The following CLIP1 variants were observed in gnomAD, a reference collection of about 807,000 sequenced individuals.
CLIP1 encodes the protein CAP-Gly domain containing linker protein 1.
Under a neutral mutation model 161.6 loss-of-function variants are expected in CLIP1, and 66 were observed. The observed-to-expected ratio is 0.41, with a 90% CI of 0.33 to 0.50. The LOEUF is 0.50. Ranked by LOEUF, CLIP1 falls within the 20% of genes least tolerant of loss-of-function variation. CLIP1 has a pLI of 0.27. For synonymous variants in CLIP1, 598 were observed against 626.2 expected, an observed-to-expected ratio of 0.96 and a Z score of 0.67; for missense variants, 1,376 against 1,702.0, an observed-to-expected ratio of 0.81 and a Z score of 3.37.
chr12:122,298,910 G>A lies in CLIP1; in HGVS notation c.3595-10369C>T, dbSNP rs1264304144. 3.3e-5 allele frequency among the ~76,000 whole-genome samples: 5 copies of A among 151,474 alleles called. No individual in the cohort carries two copies. In the East Asian group the frequency reaches 7.9e-4, roughly 24 times the overall value. ...ACGGAGGTTGCAATGGGCTGAGATC[G>A]CGCCACTGCACTCCAGCCTGGCAAC... On this transcript the variant is annotated intron_variant, in intron 20 of 25. Transcript: ENST00000620786.
At chr12:122,321,138 G>T (rs1951484893) in intron 17 of CLIP1, among the ~76,000 whole-genome samples, 1 of 151,762 alleles carries the variant, frequency 6.6e-6, no homozygotes, top group Admixed American at 6.6e-5. Context: ...CCAATTATCA[G>T]CCATGAAGAT....
At chr12:122,350,711 C>T (rs916932589) in intron 9 of CLIP1, among the ~76,000 whole-genome samples, 1 of 150,270 alleles carries the variant, frequency 6.7e-6, no homozygotes, top group African/African-American at 2.5e-5. Flanking sequence ...TGGAAACTTC[C>T]CCAGAATTCC....
chr12:122,278,340 A>G (rs1955516364), intron 23 of CLIP1, 137 bp from the exon 24 acceptor site: 3 of 786,306 alleles, frequency 3.8e-6, no homozygotes, highest in Non-Finnish European at 6.3e-6. Context: ...CACCACTTTC[A>G]GCACATGTGG....
At chr12:122,352,333 A>G (rs1170190457) in intron 8 of CLIP1, among the ~76,000 whole-genome samples, 1 of 152,154 alleles carries the variant, frequency 6.6e-6, no homozygotes, top group Admixed American at 6.5e-5. Flanking sequence ...CTGGGATTAC[A>G]GGCGTGAACC....
intron 1 of CLIP1, among the ~76,000 whole-genome samples, chr12:122,391,314 A>G (rs915688462): frequency 6.6e-6 from 1 of 151,810 alleles, no homozygotes; most frequent in Non-Finnish European, 1.5e-5. Context: ...GGCCAGGTGC[A>G]GTGGCTCACG....
chr12:122,331,004 C>CTT (rs1262224954), intron 15 of CLIP1, among the ~76,000 whole-genome samples: 27 of 151,824 alleles, frequency 1.8e-4, no homozygotes, highest in African/African-American at 6.5e-4. Context: ...CCCTCCCTTC[C>CTT]TTTTTATTAT....
chr12:122,289,463 C>T (rs1007083323), intron 20 of CLIP1, among the ~76,000 whole-genome samples: 8 of 151,906 alleles, frequency 5.3e-5, no homozygotes, highest in Non-Finnish European at 1.2e-4. Context: ...CCACTGCTAA[C>T]ATTCTAGTTC....
intron 8 of CLIP1, 83 bp downstream of exon 8, chr12:122,352,643 C>T: frequency 7.9e-7 from 1 of 1,264,468 alleles, no homozygotes; most frequent in East Asian, 2.3e-5. Flanking sequence ...GTTCTGGCCG[C>T]TCATTTCAAT....
intron 1 of CLIP1, among the ~76,000 whole-genome samples, chr12:122,419,769 C>T (rs969284625): frequency 7.9e-5 from 12 of 151,560 alleles, no homozygotes; most frequent in African/African-American, 2.7e-4. Flanking sequence ...AACCCTGTCT[C>T]TACTAAAAAT....
At chr12:122,325,085 C>T (rs1366156972) in intron 17 of CLIP1, among the ~76,000 whole-genome samples, 1 of 145,338 alleles carries the variant, frequency 6.9e-6, no homozygotes, top group East Asian at 2.0e-4. Context: ...GACTGAGTCT[C>T]GCTCTATCTA....
rs1955203936 is a variant in CLIP1, at chr12:122,272,088, CA to C, written c.*786del. 6.6e-6 allele frequency: 1 copy of C among 152,190 alleles called. No individual in the cohort carries two copies. Among genetic ancestry groups the C allele is most frequent in the Admixed American group, 6.6e-5 (1 of 15,256 alleles). The allele number at this position is 152,190 out of a possible 1,614,324, so 9.4% of individuals were successfully genotyped here. On this transcript the variant is annotated 3_prime_UTR_variant, in exon 26 of 26. Transcript: ENST00000620786. ...TGATCATTTTAAGTGTTTTCTTTTT[CA>C]AAAAGGTAAATGTCCAAAAAGAAAG...
At chr12:122,358,822 A>C (rs1445653778) in intron 5 of CLIP1, among the ~76,000 whole-genome samples, 1 of 151,766 alleles carries the variant, frequency 6.6e-6, no homozygotes, top group Non-Finnish European at 1.5e-5. Context: ...GCACTTTGGG[A>C]AGCAGAGGCG....
intron 1 of CLIP1, among the ~76,000 whole-genome samples, chr12:122,401,624 C>T (rs921386859): frequency 4.0e-5 from 6 of 150,566 alleles, no homozygotes; most frequent in Admixed American, 2.0e-4. Flanking sequence ...GCAGAGATGG[C>T]GCCATTGTAC....
chr12:122,344,785 T>TAA (rs1952665626), intron 10 of CLIP1, among the ~76,000 whole-genome samples: 1 of 152,196 alleles, frequency 6.6e-6, no homozygotes, highest in Non-Finnish European at 1.5e-5. Context: ...GTTTGGAAAC[T>TAA]GGATTTATTG....
At chr12:122,285,254 G>A (rs1955803394) in intron 21 of CLIP1, among the ~76,000 whole-genome samples, 1 of 145,004 alleles carries the variant, frequency 6.9e-6, no homozygotes, top group Non-Finnish European at 1.5e-5. Context: ...TTGAGACGGA[G>A]TCTTGCTCTG....
chr12:122,351,525 C>T (rs1468119966), intron 8 of CLIP1, among the ~76,000 whole-genome samples: 1 of 152,174 alleles, frequency 6.6e-6, no homozygotes, highest in Non-Finnish European at 1.5e-5. Context: ...AAATGCCCCC[C>T]TTGCTCTTTG....
chr12:122,367,080 T>C (rs539797984), intron 3 of CLIP1, among the ~76,000 whole-genome samples: 2 of 152,172 alleles, frequency 1.3e-5, no homozygotes, highest in Admixed American at 1.3e-4. Context: ...CTTCAGACAA[T>C]GTGTTAAATT....
chr12:122,354,962 A>C, intron 6 of CLIP1, 153 bp downstream of exon 6: 1 of 681,288 alleles, frequency 1.5e-6, no homozygotes. Flanking sequence ...GGCACCCCAG[A>C]CTGTAGCTTT....
chr12:122,383,121 A>G (rs1955080487), intron 1 of CLIP1, among the ~76,000 whole-genome samples: 1 of 152,216 alleles, frequency 6.6e-6, no homozygotes, highest in Admixed American at 6.5e-5. Flanking sequence ...CTAAGTGTAG[A>G]AATTCCCTAG....
Sources: gnomAD v4.1 joint callset for allele counts (sites outside exome capture counted in the v4.1 genomes callset) on GRCh38, gnomAD v4.1.1 for gene constraint, MANE v1.5 for transcripts, NCBI Gene and HGNC (gene_info 2026-07-23, HGNC 2026-07-21) for gene names.